Variants in LIMK2 observed in about 807,000 individuals in gnomAD.
LIMK2 encodes LIM domain kinase 2.
Under a neutral mutation model 75.7 loss-of-function variants are expected in LIMK2, and 35 were observed. The ratio of observed to expected loss-of-function variants is 0.46; its 90% CI spans 0.35 to 0.61. The LOEUF (loss-of-function observed/expected upper bound fraction) is 0.61. Among genes scored for constraint, LIMK2 ranks in the 20% least tolerant of loss-of-function variants. The pLI, the probability that LIMK2 is intolerant of heterozygous loss-of-function variation, is 0.00. For synonymous variants in LIMK2, 301 were observed against 319.2 expected (o/e 0.94, Z 0.61); for missense variants, 623 against 831.0 (o/e 0.75, Z 3.08).
At position 31,277,443 on chromosome 22, in the gene LIMK2, G is replaced by T. The variant is rs892077479; in HGVS notation, c.1773-854G>T. 5.1e-6 allele frequency: 6 copies of T among 1,165,826 alleles called. No homozygotes were observed. In the East Asian group the frequency reaches 2.5e-4, roughly 49 times the overall value. 72.2% of individuals were successfully genotyped at this position (1,165,826 alleles called of 1,614,324 possible). A position where few individuals can be genotyped will look rare whatever the true frequency, so the allele number is the denominator to read the frequency against. On this transcript the variant is annotated intron_variant, in intron 15 of 15. Coordinates refer to ENST00000331728, the MANE Select transcript of LIMK2 (RefSeq NM_005569.4). ...AAAAAAAAAAAAAAAATGATTTCCA[G>T]CGGTCCACATTAGAGTTGAAATTTT...
intron 2 of LIMK2, among the ~76,000 whole-genome samples, chr22:31,237,393 G>A (rs2048588354): frequency 6.6e-6 from 1 of 150,744 alleles, no homozygotes; most frequent in Admixed American, 6.6e-5. Flanking sequence ...GTGAAACCTT[G>A]TCTCTACTAA....
intron 2 of LIMK2, among the ~76,000 whole-genome samples, chr22:31,241,457 C>T (rs2048623155): frequency 6.6e-6 from 1 of 152,190 alleles, no homozygotes; most frequent in South Asian, 2.1e-4. Flanking sequence ...GTCCCCCAAA[C>T]CTTTGCTCTC....
At position 31,278,561 on chromosome 22, in the gene LIMK2, G is replaced by C. The variant is rs2049055489; in HGVS notation, c.*120G>C. 1 of 1,142,822 alleles carries C rather than the reference G, an allele frequency of 8.8e-7. No individual in the cohort carries two copies. The highest frequency in any genetic ancestry group is 1.6e-5 in the African/African-American group (1 of 64,234). The allele number at this position is 1,142,822 out of a possible 1,614,324, so 70.8% of individuals were successfully genotyped here. A position where few individuals can be genotyped will look rare whatever the true frequency, so the allele number is the denominator to read the frequency against. On this transcript the variant is annotated 3_prime_UTR_variant, in exon 16 of 16. Coordinates refer to ENST00000331728, the MANE Select transcript of LIMK2 (RefSeq NM_005569.4). ...TGGATTGGCGGAATGTTTAGAAGCAGAACAAGCCATTCCTATTACCTCCCC... is the reference window on the plus strand; with the variant it reads ...TGGATTGGCGGAATGTTTAGAAGCACAACAAGCCATTCCTATTACCTCCCC...
chr22:31,257,040 A>ATTTTTTTTTTTTTTTTTTTT (rs529919320), intron 2 of LIMK2, among the ~76,000 whole-genome samples: 2 of 75,078 alleles, frequency 2.7e-5, no homozygotes, highest in Non-Finnish European at 3.0e-5. Context: ...GGAGCTATAG[A>ATTTTTTTTTTTTTTTTTTTT]TTTTTTTTTT....
At chr22:31,270,974 G>A (rs1789823016) in intron 11 of LIMK2, among the ~76,000 whole-genome samples, 162 bp from the exon 12 acceptor site, 1 of 152,188 alleles carries the variant, frequency 6.6e-6, no homozygotes, top group Admixed American at 6.5e-5. Context: ...TTGGTATTGG[G>A]ACAAGGGAGA....
At chr22:31,268,291 A>G (rs1034990370) in intron 11 of LIMK2, 91 bp downstream of exon 11, 9 of 1,050,726 alleles carry the variant, frequency 8.6e-6, no homozygotes, top group Admixed American at 6.8e-5. Flanking sequence ...ACCCCTTCCT[A>G]TGCAACTTGT....
chr22:31,225,206 A>G (rs1047676246), intron 1 of LIMK2, among the ~76,000 whole-genome samples: 29 of 152,182 alleles, frequency 1.9e-4, no homozygotes, highest in African/African-American at 6.3e-4. Flanking sequence ...TAGAGGACCA[A>G]TTTATTCAAT....
chr22:31,221,954 C>T (rs1168205637), intron 1 of LIMK2, among the ~76,000 whole-genome samples: 2 of 152,180 alleles, frequency 1.3e-5, no homozygotes, highest in East Asian at 3.8e-4. Flanking sequence ...GTTACTGTTA[C>T]TGTTGACCTT....
At chr22:31,260,132 G>A in intron 5 of LIMK2, 55 bp downstream of exon 5, 1 of 1,414,030 alleles carries the variant, frequency 7.1e-7, no homozygotes, top group Non-Finnish European at 9.5e-7. Context: ...CTGTAAATGG[G>A]CCTCAGAGGG....
At chr22:31,213,044 G>C (rs1601390914) in intron 1 of LIMK2, among the ~76,000 whole-genome samples, 1 of 152,232 alleles carries the variant, frequency 6.6e-6, no homozygotes, top group East Asian at 1.9e-4. Flanking sequence ...TAAGGGTAAG[G>C]AGAGATCGGA....
chr22:31,231,454 T>G (rs1195414738), intron 2 of LIMK2, among the ~76,000 whole-genome samples: 1 of 152,176 alleles, frequency 6.6e-6, no homozygotes, highest in Non-Finnish European at 1.5e-5. Context: ...AGTTTATCTT[T>G]TAGGAAACAG....
intron 2 of LIMK2, among the ~76,000 whole-genome samples, chr22:31,257,988 A>G (rs529646772): frequency 6.6e-6 from 1 of 152,216 alleles, no homozygotes; most frequent in South Asian, 2.1e-4. Flanking sequence ...TTCTTTATAT[A>G]TTCATTTTTC....
Position 31,225,784 on chromosome 22 carries a change from G to C in LIMK2, c.81G>C (p.Arg27Ser). 6.2e-7 allele frequency: 1 copy of C among 1,614,104 alleles called. No homozygotes were observed. The highest frequency in any genetic ancestry group is 8.5e-7 in the Non-Finnish European group (1 of 1,179,970). ...TTGCTCCAAGCCAGATATGGTACAGGACTGTCAACGAAACCTGGCACGGCT... is the reference window on the plus strand; with the variant it reads ...TTGCTCCAAGCCAGATATGGTACAGCACTGTCAACGAAACCTGGCACGGCT... ...DHIAPSQIWY[R>S]TVNETWHGSC... The change falls in exon 2 of 16, where the codon AGG becomes AGC. Residue 27 changes from arginine to serine, a missense_variant. Arg to Ser is a moderately radical substitution (Grantham distance 110). Transcript: ENST00000331728.
chr22:31,277,178 C>T, intron 15 of LIMK2: 1 of 1,612,336 alleles, frequency 6.2e-7, no homozygotes, highest in Non-Finnish European at 8.5e-7. Flanking sequence ...TCCCATAGGA[C>T]AATCGCTACC....
At position 31,278,293 on chromosome 22, in the gene LIMK2, C is replaced by T. The variant is rs558250933; in HGVS notation, c.1773-4C>T. The stretch of plus-strand genomic sequence containing the variant: ...TGCCTCTAATTTACCTCTTTTCCTT[C>T]TAGACCAGCATTCTCGAAATTGGAG... On this transcript the variant is annotated splice_region_variant and splice_polypyrimidine_tract_variant and intron_variant, in intron 15 of 15. Coordinates refer to ENST00000331728, the MANE Select transcript of LIMK2 (RefSeq NM_005569.4). 2.5e-6 allele frequency: 4 copies of T among 1,610,400 alleles called. No homozygotes were observed. The highest frequency in any genetic ancestry group is 2.7e-5 in the African/African-American group (2 of 74,994).
chr22:31,212,447 T>C (rs1601390338), intron 1 of LIMK2, 23 bp downstream of exon 1: 2 of 1,319,576 alleles, frequency 1.5e-6, no homozygotes, highest in South Asian at 5.8e-5. Context: ...TGCTCCGCCC[T>C]GTCCCGCTGT....
At chr22:31,247,253 T>C (rs2123811461) in intron 2 of LIMK2, among the ~76,000 whole-genome samples, 1 of 152,292 alleles carries the variant, frequency 6.6e-6, no homozygotes, top group East Asian at 1.9e-4. Flanking sequence ...CTTTTTCCTT[T>C]ACAATCCTGC....
intron 2 of LIMK2, among the ~76,000 whole-genome samples, chr22:31,256,735 C>G (rs1238525850): frequency 6.6e-6 from 1 of 152,120 alleles, no homozygotes; most frequent in Non-Finnish European, 1.5e-5. Flanking sequence ...AAATATCTTG[C>G]CCAAGATGAT....
intron 11 of LIMK2, among the ~76,000 whole-genome samples, chr22:31,269,282 TTTTC>T (rs1188060117): frequency 3.2e-4 from 48 of 150,386 alleles, no homozygotes; most frequent in African/African-American, 1.1e-3. Flanking sequence ...TTGAATTTTT[TTTTC>T]TTTTTTTTTT....
Sources: allele counts gnomAD v4.1 joint callset (sites outside exome capture counted in the v4.1 genomes callset), GRCh38; gene constraint gnomAD v4.1.1; transcripts MANE v1.5; gene names NCBI Gene and HGNC (gene_info 2026-07-23, HGNC 2026-07-21).